The following SLC4A8 variants were observed in gnomAD, a reference collection of about 807,000 sequenced individuals.
SLC4A8 encodes electroneutral sodium bicarbonate exchanger 1.
Under a neutral mutation model 125.0 loss-of-function variants are expected in SLC4A8, and 40 were observed. That is an observed-to-expected ratio of 0.32 (90% CI 0.25 to 0.42). SLC4A8 has a LOEUF of 0.42. Among genes scored for constraint, SLC4A8 ranks in the 10% least tolerant of loss-of-function variants. The pLI, the probability that SLC4A8 is intolerant of heterozygous loss-of-function variation, is 1.00. For synonymous variants in SLC4A8, 456 were observed against 476.0 expected, an observed-to-expected ratio of 0.96 and a Z score of 0.55; for missense variants, 863 against 1,355.1, an observed-to-expected ratio of 0.64 and a Z score of 5.70.
chr12:51,506,526 C>G lies in SLC4A8; in HGVS notation c.3269+596C>G, dbSNP rs1200536342. On this transcript the variant is annotated intron_variant, in intron 24 of 24. Coordinates refer to ENST00000453097, the MANE Select transcript of SLC4A8 (RefSeq NM_001039960.3). The stretch of plus-strand genomic sequence containing the variant: ...CTCAGCTCACTGTAATCTCTGCCAT[C>G]CGGGCTCAAGCAATCCTTCTGCCTC... Among the ~76,000 whole-genome samples, 4 of 151,990 alleles carry G rather than the reference C, an allele frequency of 2.6e-5. No homozygotes were observed. The East Asian group carries it at 7.7e-4, about 29-fold the overall frequency.
At chr12:51,461,985 C>A in intron 9 of SLC4A8, 1 of 158,116 alleles carries the variant, frequency 6.3e-6, no homozygotes, top group Non-Finnish European at 1.2e-5. Context: ...CGTGGGAAAG[C>A]TGATTAAAAT....
chr12:51,424,607 T>TA (rs1948895080), upstream of SLC4A8: 1 of 231,048 alleles, frequency 4.3e-6, no homozygotes, highest in African/African-American at 2.3e-5. Context: ...CAGCTGCAAA[T>TA]AGAAGCAGAG....
At chr12:51,495,455 C>CT (rs2138419194) in intron 21 of SLC4A8, among the ~76,000 whole-genome samples, 1 of 130,546 alleles carries the variant, frequency 7.7e-6, no homozygotes, top group African/African-American at 2.8e-5. Flanking sequence ...AATTTCTTTT[C>CT]TTTCTTTCTT....
rs764714467 is a variant in SLC4A8, at chr12:51,469,779, G to A, written c.1515G>A (p.Glu505=). ...TFGGLLGEAT[E]GRISAIESLF... ...GGGGACTGCTTGGAGAAGCCACTGA[G>A]GGACGCATAGTAAGGACTTTTAACC... is the stretch of plus-strand genomic sequence containing the variant. The change falls in exon 12 of 25, where the codon GAG becomes GAA. Residue 505 remains glutamate, a synonymous_variant. Coordinates refer to ENST00000453097, the MANE Select transcript of SLC4A8 (RefSeq NM_001039960.3). 1.9e-6 allele frequency: 3 copies of A among 1,614,028 alleles called. No homozygotes were observed. Among genetic ancestry groups the A allele is most frequent in the Non-Finnish European group, 2.5e-6 (3 of 1,179,966 alleles).
rs1323918418 is a variant in SLC4A8, at chr12:51,493,781, T to C, written c.2769+9T>C. The stretch of plus-strand genomic sequence containing the variant: ...CACTACAGGGAATTCAGGTATTGTA[T>C]GGTTCAGCCAGGGCAGTTTCTTCTC... On this transcript the variant is annotated intron_variant, in intron 20 of 24. Transcript: ENST00000453097. 6.3e-7 allele frequency: 1 copy of C among 1,581,646 alleles called. No homozygotes were observed. Among genetic ancestry groups the C allele is most frequent in the South Asian group, 1.1e-5 (1 of 90,438 alleles).
chr12:51,415,856 C>G (rs567735053), intron 1 of SLC4A8, among the ~76,000 whole-genome samples: 4 of 147,172 alleles, frequency 2.7e-5, no homozygotes, highest in Admixed American at 2.1e-4. Flanking sequence ...TGCCCAGTCC[C>G]CAGCATTACA....
At chr12:51,411,101 A>G (rs1948589131) in intron 1 of SLC4A8, among the ~76,000 whole-genome samples, 2 of 140,310 alleles carry the variant, frequency 1.4e-5, no homozygotes, top group African/African-American at 5.4e-5. Flanking sequence ...TCAGTTCCTT[A>G]TACAGAGTTG....
chr12:51,495,019 G>A lies in SLC4A8; in HGVS notation c.2844G>A (p.Pro948=), dbSNP rs748358954. ...QPDFIYLRHV[P]LRKVHLFTLI... ...ATTTCATCTACCTGCGGCATGTGCC[G>A]CTGCGCAAAGTGCACCTCTTCACCC... Residue 948 remains proline (P), a synonymous_variant, in exon 21 of 25, where the codon CCG becomes CCA. Transcript: ENST00000453097. 1.5e-5 allele frequency: 25 copies of A among 1,613,992 alleles called. No individual in the cohort carries two copies. The highest frequency in any genetic ancestry group is 7.7e-5 in the South Asian group (7 of 91,082).
rs539561100 is a variant in SLC4A8, at chr12:51,457,680, T to C, written c.763+141T>C. On this transcript the variant is annotated intron_variant, in intron 6 of 24. Coordinates refer to ENST00000453097, the MANE Select transcript of SLC4A8 (RefSeq NM_001039960.3). ...TAGGCACTTAGTACTTTTTGGAGAC[T>C]GGTAAGATTGGTGGCTGGGACTGGT... is the stretch of plus-strand genomic sequence containing the variant. 225 of 713,958 alleles carry C rather than the reference T, an allele frequency of 3.2e-4. No individual in the cohort carries two copies. The South Asian group carries it at 4.1e-3, about 13-fold the overall frequency. 44.2% of individuals were successfully genotyped at this position (713,958 alleles called of 1,614,324 possible). A position where few individuals can be genotyped will look rare whatever the true frequency, so the allele number is the denominator to read the frequency against.
chr12:51,431,613 T>G (rs1949186866), intron 1 of SLC4A8, among the ~76,000 whole-genome samples: 1 of 151,976 alleles, frequency 6.6e-6, no homozygotes, highest in Admixed American at 6.6e-5. Context: ...AATTTTTTTT[T>G]TGTGGCTATA....
intron 1 of SLC4A8, among the ~76,000 whole-genome samples, chr12:51,430,952 A>C (rs1357261805): frequency 6.6e-6 from 1 of 152,210 alleles, no homozygotes; most frequent in Non-Finnish European, 1.5e-5. Flanking sequence ...AAAAACACAA[A>C]TTTATCCTAC....
At chr12:51,498,964 A>T (rs1180397024) in intron 22 of SLC4A8, among the ~76,000 whole-genome samples, 1 of 144,818 alleles carries the variant, frequency 6.9e-6, no homozygotes, top group Non-Finnish European at 1.5e-5. Flanking sequence ...CAGGCAGATC[A>T]CCTGAGGTCA....
Position 51,424,909 on chromosome 12 carries a change from C to T in SLC4A8, c.-79C>T, listed in dbSNP as rs1948908194. 1.4e-6 allele frequency: 2 copies of T among 1,464,366 alleles called. No individual in the cohort carries two copies. The highest frequency in any genetic ancestry group is 1.9e-6 in the Non-Finnish European group (2 of 1,075,494). 90.7% of individuals were successfully genotyped at this position (1,464,366 alleles called of 1,614,324 possible). On this transcript the variant is annotated 5_prime_UTR_variant, in exon 1 of 25. Transcript: ENST00000453097. Reference sequence around the variant, plus strand: ...GGGTGGGGGTCGCCGTTCGAGTGATCTGCTCAGACCCGACCAGAGGGCGCG... The same window carrying T: ...GGGTGGGGGTCGCCGTTCGAGTGATTTGCTCAGACCCGACCAGAGGGCGCG...
intron 5 of SLC4A8, among the ~76,000 whole-genome samples, 171 bp from the exon 6 acceptor site, chr12:51,457,180 G>C (rs139354728): frequency 6.6e-6 from 1 of 152,168 alleles, no homozygotes; most frequent in Non-Finnish European, 1.5e-5. Context: ...ACTTTTCACA[G>C]TCACTATCAT....
At chr12:51,477,820 T>C (rs1230410000) in intron 16 of SLC4A8, among the ~76,000 whole-genome samples, 1 of 152,176 alleles carries the variant, frequency 6.6e-6, no homozygotes, top group Non-Finnish European at 1.5e-5. Flanking sequence ...GCAGTGTTAT[T>C]TTGGATACTT....
chr12:51,503,034 G>C (rs1337913573), intron 22 of SLC4A8, among the ~76,000 whole-genome samples: 1 of 150,734 alleles, frequency 6.6e-6, no homozygotes, highest in Admixed American at 6.6e-5. Flanking sequence ...GTAGAGACGG[G>C]GGTTTCACCG....
chr12:51,393,650 A>G (rs567946482), intron 1 of SLC4A8, among the ~76,000 whole-genome samples: 3 of 152,348 alleles, frequency 2.0e-5, no homozygotes, highest in African/African-American at 4.8e-5. Context: ...CCAGCTACAC[A>G]TGATCAGAGT....
intron 22 of SLC4A8, 34 bp downstream of exon 22, chr12:51,497,158 G>T (rs1305048656): frequency 8.2e-6 from 13 of 1,583,358 alleles, no homozygotes; most frequent in Non-Finnish European, 1.0e-5. Context: ...ATACCTGGGG[G>T]CCTCAAATTA....
intron 19 of SLC4A8, among the ~76,000 whole-genome samples, chr12:51,491,956 T>C (rs1398990700): frequency 6.6e-6 from 1 of 152,136 alleles, no homozygotes. Flanking sequence ...AGAAATCCAA[T>C]TATAGGTGGC....
Sources: gnomAD v4.1 joint callset for allele counts (sites outside exome capture counted in the v4.1 genomes callset) on GRCh38, gnomAD v4.1.1 for gene constraint, MANE v1.5 for transcripts, NCBI Gene and HGNC (gene_info 2026-07-23, HGNC 2026-07-21) for gene names.